Variants in APH1B observed in about 807,000 individuals in gnomAD.
APH1B encodes the protein aph-1B gamma-secretase subunit, also known as gamma-secretase subunit APH-1B.
Under a neutral mutation model 28.2 loss-of-function variants are expected in APH1B, and 27 were observed. The observed-to-expected ratio is 0.96, with a 90% CI of 0.70 to 1.32. APH1B has a LOEUF of 1.32. Ranked by LOEUF, APH1B falls within the 40% of genes most tolerant of loss-of-function variation. APH1B has a pLI of 0.00. For missense variants in APH1B, 305 were observed against 313.6 expected (o/e 0.97, Z 0.21); for synonymous variants, 141 against 124.6 (o/e 1.13, Z -0.88).
chr15:63,297,068 T>TA (rs747161109), intron 4 of APH1B, among the ~76,000 whole-genome samples: 1 of 152,258 alleles, frequency 6.6e-6, no homozygotes, highest in African/African-American at 2.4e-5. Flanking sequence ...ACTAGACAGT[T>TA]ACAGTCGTCA....
intron 3 of APH1B, 58 bp from the exon 4 acceptor site, chr15:63,287,366 A>C: frequency 6.2e-7 from 1 of 1,601,612 alleles, no homozygotes. Flanking sequence ...TAGTCCTTGG[A>C]AATTTGACTT....
intron 4 of APH1B, 136 bp from the exon 5 acceptor site, chr15:63,302,209 G>C: frequency 9.7e-7 from 1 of 1,035,074 alleles, no homozygotes. Flanking sequence ...AGTGTGTCAA[G>C]GCCCTGTTTC....
intron 5 of APH1B, among the ~76,000 whole-genome samples, chr15:63,302,853 A>T (rs943664992): frequency 7.9e-5 from 12 of 152,046 alleles, no homozygotes; most frequent in African/African-American, 2.9e-4. Flanking sequence ...AGCATATTTT[A>T]TTTAATATAG....
intron 2 of APH1B, among the ~76,000 whole-genome samples, chr15:63,284,818 C>T (rs948095143): frequency 4.6e-5 from 7 of 152,190 alleles, no homozygotes; most frequent in Non-Finnish European, 8.8e-5. Context: ...CTCAACTAGG[C>T]CTGTTTTTCC....
At chr15:63,293,878 C>G (rs1309381290) in intron 4 of APH1B, among the ~76,000 whole-genome samples, 1 of 151,986 alleles carries the variant, frequency 6.6e-6, no homozygotes, top group Non-Finnish European at 1.5e-5. Context: ...AATCCTGCCA[C>G]TTCAGCCTCA....
chr15:63,278,266 C>G (rs910451081), intron 1 of APH1B: 1 of 454,618 alleles, frequency 2.2e-6, no homozygotes. Flanking sequence ...AATTTAAGCT[C>G]CTTTTGGATG....
rs1170234570 is a variant in APH1B, at chr15:63,302,391, T to C, written c.525T>C (p.Ile175=). The C allele has an allele frequency of 6.2e-7, 1 of 1,614,154 alleles. No homozygotes were observed. The highest frequency in any genetic ancestry group is 1.1e-5 in the South Asian group (1 of 91,080). The change falls in exon 5 of 6, where the codon ATT becomes ATC. Residue 175 remains isoleucine (I), a synonymous_variant. Coordinates refer to ENST00000261879, the MANE Select transcript of APH1B (RefSeq NM_031301.4). ...VIILLHVFWG[I]VFFDGCEKKK... ...TCTTGCTGCATGTATTCTGGGGCAT[T>C]GTATTTTTTGATGGCTGTGAGAAGA... is the stretch of plus-strand genomic sequence containing the variant.
At chr15:63,279,047 G>T in intron 1 of APH1B, 114 bp from the exon 2 acceptor site, 1 of 856,202 alleles carries the variant, frequency 1.2e-6, no homozygotes, top group Non-Finnish European at 1.7e-6. Context: ...TTTCCTTATT[G>T]AAACGTCAAG....
In APH1B at chr15:63,305,754, T is replaced by C. The variant is rs1251114483; in HGVS notation, c.747T>C (p.Phe249=). ...KLCLLCQDKN[F]LLYNQRSR is the part of the protein sequence containing the mutation. ...GCCTGCTCTGCCAAGACAAGAACTT[T>C]CTTCTTTACAACCAGCGCTCCAGAT... The change falls in exon 6 of 6, where the codon TTT becomes TTC. Residue 249 remains phenylalanine (F), a synonymous_variant. Transcript: ENST00000261879. 3.7e-6 allele frequency: 6 copies of C among 1,614,026 alleles called. No homozygotes were observed. Among genetic ancestry groups the C allele is most frequent in the Non-Finnish European group, 5.1e-6 (6 of 1,180,028 alleles).
At chr15:63,283,917 G>GT (rs1483697285) in intron 2 of APH1B, among the ~76,000 whole-genome samples, 3 of 152,040 alleles carry the variant, frequency 2.0e-5, no homozygotes, top group African/African-American at 7.2e-5. Flanking sequence ...TTATCTAGTT[G>GT]TTCTGTCACC....
chr15:63,300,361 C>T (rs2038613900), intron 4 of APH1B, among the ~76,000 whole-genome samples: 2 of 152,178 alleles, frequency 1.3e-5, no homozygotes, highest in South Asian at 4.1e-4. Flanking sequence ...CAGATGACAC[C>T]TTAATGGTGT....
At chr15:63,305,494 C>T (rs908682860) in intron 5 of APH1B, 120 bp from the exon 6 acceptor site, 3 of 1,144,546 alleles carry the variant, frequency 2.6e-6, no homozygotes, top group East Asian at 2.4e-5. Flanking sequence ...ACACATCATA[C>T]GTTTGGTGAA....
intron 4 of APH1B, among the ~76,000 whole-genome samples, chr15:63,289,926 C>G (rs757781371): frequency 5.3e-5 from 8 of 151,986 alleles, no homozygotes; most frequent in Non-Finnish European, 1.0e-4. Context: ...ATCATTGAGC[C>G]CGGGAGGTTG....
intron 2 of APH1B, among the ~76,000 whole-genome samples, chr15:63,281,824 T>G (rs1281154087): frequency 1.3e-5 from 2 of 152,086 alleles, no homozygotes; most frequent in Non-Finnish European, 2.9e-5. Context: ...AGTGTCCACT[T>G]TTTTAATGAG....
At chr15:63,287,663 G>A (rs1037864495) in intron 4 of APH1B, 117 bp downstream of exon 4, 62 of 1,315,746 alleles carry the variant, frequency 4.7e-5, no homozygotes, top group African/African-American at 3.0e-4. Context: ...TTTTAAAGGC[G>A]AAATACTCTG....
At chr15:63,285,641 A>G (rs574680581) in intron 2 of APH1B, among the ~76,000 whole-genome samples, 1 of 152,236 alleles carries the variant, frequency 6.6e-6, no homozygotes, top group African/African-American at 2.4e-5. Flanking sequence ...TCTTTATTTT[A>G]TTTTATTTTT....
chr15:63,305,633 A>G lies in APH1B; in HGVS notation c.626A>G (p.Tyr209Cys), dbSNP rs753261169. Reference protein sequence around the residue: ...VSAQTFISSYYGINLASAFII... With the variant: ...VSAQTFISSYCGINLASAFII... The stretch of plus-strand genomic sequence containing the variant: ...TTGCAGACCTTCATAAGTTCTTATT[A>G]TGGAATAAACCTGGCGTCAGCATTT... The change falls in exon 6 of 6, where the codon TAT (tyrosine) becomes TGT (cysteine). Residue 209 changes from tyrosine to cysteine, a missense_variant. Physicochemically the swap from Tyr to Cys is radical, Grantham distance 194. Transcript: ENST00000261879. 5 of 1,614,064 alleles carry G rather than the reference A, an allele frequency of 3.1e-6. No homozygotes were observed. In the Admixed American group the frequency reaches 6.7e-5, roughly 22 times the overall value.
chr15:63,283,996 G>GT (rs2038418259), intron 2 of APH1B, among the ~76,000 whole-genome samples: 1 of 152,076 alleles, frequency 6.6e-6, no homozygotes, highest in South Asian at 2.1e-4. Context: ...TCGGTTGACT[G>GT]TATTTACAGT....
intron 4 of APH1B, among the ~76,000 whole-genome samples, chr15:63,295,970 C>A (rs1398833219): frequency 2.0e-5 from 3 of 152,208 alleles, no homozygotes; most frequent in Admixed American, 1.3e-4. Context: ...CATAATTCTT[C>A]AGCATTTTCT....
Sources: gnomAD v4.1 joint callset for allele counts (sites outside exome capture counted in the v4.1 genomes callset) on GRCh38, gnomAD v4.1.1 for gene constraint, MANE v1.5 for transcripts, NCBI Gene and HGNC (gene_info 2026-07-23, HGNC 2026-07-21) for gene names.